Variants in SLC36A1 observed in about 807,000 individuals in gnomAD.
The protein encoded by SLC36A1 is proton-coupled amino acid transporter 1.
A neutral mutation model predicts 47.5 loss-of-function variants in SLC36A1; 30 were observed. That is an observed-to-expected ratio of 0.63 (90% CI 0.47 to 0.86). SLC36A1 has a LOEUF of 0.86. SLC36A1 is among the 40% of genes least tolerant of loss of function. SLC36A1 has a pLI of 0.00. For synonymous variants in SLC36A1, 255 were observed against 249.7 expected (o/e 1.02, Z -0.20); for missense variants, 517 against 606.0 (o/e 0.85, Z 1.54).
chr5:151,537,961 A>G, the SLC36A1 span: 1 of 1,612,774 alleles, frequency 6.2e-7, no homozygotes, highest in Non-Finnish European at 8.5e-7. Flanking sequence ...AGATGGAAAG[A>G]CAAAGAAGAG....
At chr5:151,522,223 T>C in the SLC36A1 span, 1 of 619,814 alleles carries the variant, frequency 1.6e-6, no homozygotes. Flanking sequence ...CATTGTTGCA[T>C]TTAGAAAAAA....
chr5:151,395,886 T>C, the SLC36A1 span, among the ~76,000 whole-genome samples: 4 of 152,102 alleles, frequency 2.6e-5, no homozygotes, highest in Admixed American at 2.6e-4. Context: ...CTGGGCTCAC[T>C]GCAACCTCCA....
chr5:151,505,663 G>T, the SLC36A1 span: 3 of 1,614,112 alleles, frequency 1.9e-6, no homozygotes, highest in South Asian at 1.1e-5. Flanking sequence ...CCTGCAAGAG[G>T]TGCCCCCTCC....
chr5:151,426,353 C>G, the SLC36A1 span, among the ~76,000 whole-genome samples: 1 of 152,080 alleles, frequency 6.6e-6, no homozygotes, highest in African/African-American at 2.4e-5. Flanking sequence ...TCTCTCCTAT[C>G]TCGGTGAGGG....
chr5:151,543,144 G>A, the SLC36A1 span: 1 of 1,614,152 alleles, frequency 6.2e-7, no homozygotes, highest in South Asian at 1.1e-5. Flanking sequence ...CTTGGGCTTT[G>A]ATGAAGAAGT....
At chr5:151,347,524 G>C in the SLC36A1 span, 3 of 1,596,274 alleles carry the variant, frequency 1.9e-6, no homozygotes, top group Middle Eastern at 2.2e-4. Context: ...AGGGAAGCAG[G>C]AAGGTGTCTA....
Position 151,467,748 on chromosome 5 carries a change from CAAT to C in SLC36A1, c.547_549del (p.Asn183del), listed in dbSNP as rs536091956. On this transcript the variant is annotated inframe_deletion, in exon 7 of 11. Coordinates refer to ENST00000243389, the MANE Select transcript of SLC36A1 (RefSeq NM_078483.4). ...ATGGGACCACCAATAACTGCCACAACAATGAGACGGTGATTCTGACGCCTACCA... is the reference window on the plus strand; with the variant it reads ...ATGGGACCACCAATAACTGCCACAACGAGACGGTGATTCTGACGCCTACCA... The C allele has an allele frequency of 1.8e-4, 298 of 1,614,092 alleles. 2 individuals carry two copies. The South Asian group carries it at 2.8e-3, about 15-fold the overall frequency.
the SLC36A1 span, chr5:151,512,648 T>A: frequency 2.6e-6 from 4 of 1,525,228 alleles, no homozygotes; most frequent in Middle Eastern, 1.7e-4. This position sits in a 1 kb window ranked among gnomAD's most constrained non-coding sequence, Gnocchi z 4.1. Flanking sequence ...AGCCAAGGAG[T>A]CCTTGTAAAC....
the SLC36A1 span, chr5:151,521,209 C>A: frequency 6.7e-7 from 1 of 1,489,346 alleles, no homozygotes; most frequent in Admixed American, 2.0e-5. Context: ...GTGGAATCTC[C>A]ATGCTTAGAG....
At chr5:151,553,184 G>A in the SLC36A1 span, 1 of 1,614,254 alleles carries the variant, frequency 6.2e-7, no homozygotes, top group Admixed American at 1.7e-5. Context: ...CACCTGAGAT[G>A]TTGAACCAGA....
chr5:151,350,776 ACTGCAAC>A, the SLC36A1 span, among the ~76,000 whole-genome samples: 4 of 151,986 alleles, frequency 2.6e-5, no homozygotes, highest in African/African-American at 9.7e-5. Flanking sequence ...ATCGCGGCTC[ACTGCAAC>A]CTCCACCTCC....
At chr5:151,492,978 C>G (rs1760229333), downstream of SLC36A1, among the ~76,000 whole-genome samples, 1 of 152,176 alleles carries the variant, frequency 6.6e-6, no homozygotes, top group Admixed American at 6.5e-5. Context: ...ATTTGTCTCT[C>G]TCTCAGTCTC....
chr5:151,407,963 A>G, the SLC36A1 span, among the ~76,000 whole-genome samples: 2,258 of 152,324 alleles, frequency 0.015, 71 homozygotes, highest in African/African-American at 0.051. Context: ...TTCTTGTGAT[A>G]GGCCAGGCAC....
chr5:151,459,024 C>G lies in SLC36A1; in HGVS notation c.143+89C>G, dbSNP rs917306476. The G allele has an allele frequency of 2.8e-6, 4 of 1,414,576 alleles. No homozygotes were observed. The East Asian group carries it at 9.3e-5, about 33-fold the overall frequency. 87.6% of individuals were successfully genotyped at this position (1,414,576 alleles called of 1,614,324 possible). Reference sequence around the variant, plus strand: ...TATTTTTCCCCCCAATTTCATCAGTCCTCCACTTTACAGATGAAGGTCAGC... The same window carrying G: ...TATTTTTCCCCCCAATTTCATCAGTGCTCCACTTTACAGATGAAGGTCAGC... On this transcript the variant is annotated intron_variant, in intron 2 of 10. Transcript: ENST00000243389.
the SLC36A1 span, among the ~76,000 whole-genome samples, chr5:151,391,063 T>C: frequency 6.6e-6 from 1 of 152,212 alleles, no homozygotes; most frequent in Non-Finnish European, 1.5e-5. Context: ...TTCCATTTGT[T>C]TGAGTCCTCT....
chr5:151,490,394 T>C lies in SLC36A1; in HGVS notation c.*2140T>C, dbSNP rs1480653934. The C allele has an allele frequency of 6.6e-6, 1 of 152,234 alleles. No individual in the cohort carries two copies. Among genetic ancestry groups the C allele is most frequent in the Non-Finnish European group, 1.5e-5 (1 of 68,066 alleles). 9.4% of individuals were successfully genotyped at this position (152,234 alleles called of 1,614,324 possible). A position where few individuals can be genotyped will look rare whatever the true frequency, so the allele number is the denominator to read the frequency against. ...AGAGTGGTCTCAGTGAGAAGGTAGA[T>C]GCCAACTGGAGGGCCAGACCTGTGT... On this transcript the variant is annotated 3_prime_UTR_variant, in exon 11 of 11. Coordinates refer to ENST00000243389, the MANE Select transcript of SLC36A1 (RefSeq NM_078483.4).
the SLC36A1 span, among the ~76,000 whole-genome samples, chr5:151,540,275 C>T: frequency 1.3e-5 from 2 of 152,162 alleles, no homozygotes; most frequent in African/African-American, 4.8e-5. Flanking sequence ...TAGTCTGAGG[C>T]TTGCTGGGGA....
chr5:151,538,615 A>C, the SLC36A1 span, among the ~76,000 whole-genome samples: 2 of 152,152 alleles, frequency 1.3e-5, no homozygotes, highest in African/African-American at 4.8e-5. Flanking sequence ...CATGGTTTCC[A>C]CCACTGTTGA....
chr5:151,533,394 AC>A, the SLC36A1 span, among the ~76,000 whole-genome samples: 799 of 10,346 alleles, frequency 0.077, 14 homozygotes, highest in East Asian at 0.35. Flanking sequence ...GTTATCTCCA[AC>A]ACACACACAC....
Sources: allele counts gnomAD v4.1 joint callset (sites outside exome capture counted in the v4.1 genomes callset), GRCh38; gene constraint gnomAD v4.1.1; non-coding constraint Gnocchi (gnomAD v3.1); transcripts MANE v1.5; gene names NCBI Gene and HGNC (gene_info 2026-07-23, HGNC 2026-07-21).